NSD1: variants seen among roughly 807,000 people sequenced by gnomAD.
The protein encoded by NSD1 is nuclear receptor binding SET domain protein 1, also known as histone-lysine N-methyltransferase, H3 lysine-36 specific.
A neutral mutation model predicts 242.7 loss-of-function variants in NSD1; 26 were observed. That is an observed-to-expected ratio of 0.11 (90% CI 0.08 to 0.15). NSD1 has a LOEUF of 0.15. Ranked by LOEUF, NSD1 falls within the 10% of genes least tolerant of loss-of-function variation. The pLI is 1.00. For synonymous variants in NSD1, 1,106 were observed against 1,178.1 expected (o/e 0.94, Z 1.25); for missense variants, 2,495 against 3,272.8 (o/e 0.76, Z 5.80).
chr5:177,174,526 T>C (rs1159464668), intron 2 of NSD1, among the ~76,000 whole-genome samples: 4 of 151,136 alleles, frequency 2.6e-5, no homozygotes, highest in Non-Finnish European at 4.4e-5. Context: ...GAAGTTATTA[T>C]ATAATCAATG....
intron 22 of NSD1, among the ~76,000 whole-genome samples, chr5:177,292,865 A>G (rs922260596): frequency 6.6e-6 from 1 of 152,198 alleles, no homozygotes; most frequent in Non-Finnish European, 1.5e-5. Flanking sequence ...AAAAAAGAGA[A>G]ACCAGTAGGG....
At chr5:177,285,633 T>C (rs910139657) in intron 20 of NSD1, among the ~76,000 whole-genome samples, 2 of 151,472 alleles carry the variant, frequency 1.3e-5, no homozygotes, top group African/African-American at 4.9e-5. Flanking sequence ...AAAGTTATGA[T>C]TTTTCAAATG....
Position 177,248,165 on chromosome 5 carries a change from A to AT in NSD1, c.4498-10dup, listed in dbSNP as rs200890017. The AT allele has an allele frequency of 2.5e-6, 4 of 1,613,624 alleles. No homozygotes were observed. Among genetic ancestry groups the AT allele is most frequent in the Middle Eastern group, 1.6e-4 (1 of 6,082 alleles). On this transcript the variant is annotated splice_polypyrimidine_tract_variant and intron_variant, in intron 10 of 22. Coordinates refer to ENST00000439151, the MANE Select transcript of NSD1 (RefSeq NM_022455.5). ...ATCAATAATACAGATGTGGGACATT[A>AT]TTTTTTCTTTGCAAGGGAGAACTAA...
At chr5:177,266,253 C>G (rs1757448324) in intron 14 of NSD1, 1 of 774,574 alleles carries the variant, frequency 1.3e-6, no homozygotes, top group Admixed American at 1.8e-5. Context: ...TCTATCTCCT[C>G]CACCTTCCCC....
chr5:177,190,728 G>A (rs909054866), intron 2 of NSD1, among the ~76,000 whole-genome samples: 1 of 151,178 alleles, frequency 6.6e-6, no homozygotes, highest in Non-Finnish European at 1.5e-5. Flanking sequence ...GGAGTGCAGT[G>A]GCGCCATCTC....
chr5:177,263,357 C>T (rs1757142801), intron 14 of NSD1, among the ~76,000 whole-genome samples: 1 of 152,164 alleles, frequency 6.6e-6, no homozygotes, highest in African/African-American at 2.4e-5. Context: ...TTAGTTAATT[C>T]TGGAAGCTTT....
rs1763361195 is a variant in NSD1 at position 177,211,747 on chromosome 5, A to G, written c.3348A>G (p.Gln1116=). The stretch of plus-strand genomic sequence containing the variant: ...TGCATTTCGATAGCAAGGTTAAGCA[A>G]TCTGATCCTGGTAAAATTTCTGAAA... ...SDVHFDSKVK[Q]SDPGKISEKG... The change falls in exon 5 of 23, where the codon CAA becomes CAG. Residue 1116 remains glutamine (Q), a synonymous_variant. Coordinates refer to ENST00000439151, the MANE Select transcript of NSD1 (RefSeq NM_022455.5). The G allele has an allele frequency of 2.5e-6, 4 of 1,614,124 alleles. No individual in the cohort carries two copies. The South Asian group carries it at 3.3e-5, about 13-fold the overall frequency.
chr5:177,196,073 T>C (rs900253499), intron 3 of NSD1, among the ~76,000 whole-genome samples: 81 of 152,184 alleles, frequency 5.3e-4, no homozygotes, highest in African/African-American at 1.9e-3. Context: ...AATAAAGTTA[T>C]CTCTGATCTG....
At position 177,141,121 on chromosome 5, in the gene NSD1, C is replaced by G. The variant is rs572418060; in HGVS notation, c.927+5091C>G. Among the ~76,000 whole-genome samples, 250 of 152,034 alleles carry G rather than the reference C, an allele frequency of 1.6e-3. 2 individuals are homozygous for G. Among genetic ancestry groups the G allele is most frequent in the African/African-American group, 5.7e-3 (237 of 41,450 alleles). On this transcript the variant is annotated intron_variant, in intron 2 of 22. Transcript: ENST00000439151. ...CACTGCAACCTCTGCCTCCCAGGTT[C>G]AAGCAATTCTCTGCCTCAGCCTCTG...
Position 177,248,312 on chromosome 5 carries a change from G to A in NSD1, c.4629G>A (p.Glu1543=), listed in dbSNP as rs1451680123. ...GCGGTGGAGGAGCTGCACTCAAGGA[G>A]AATGTCTGTCAGGTAGAGAAATGTT... ...GERGGGAALK[E]NVCQNCEKLG... The change falls in exon 11 of 23, where the codon GAG becomes GAA. Residue 1543 remains glutamate (E), a synonymous_variant. Coordinates refer to ENST00000439151, the MANE Select transcript of NSD1 (RefSeq NM_022455.5). 6.2e-7 allele frequency: 1 copy of A among 1,613,846 alleles called. No individual in the cohort carries two copies. The highest frequency in any genetic ancestry group is 8.5e-7 in the Non-Finnish European group (1 of 1,179,882).
At chr5:177,178,767 G>GT (rs1760417068) in intron 2 of NSD1, among the ~76,000 whole-genome samples, 1 of 152,072 alleles carries the variant, frequency 6.6e-6, no homozygotes, top group African/African-American at 2.4e-5. Flanking sequence ...AAAGTGTTTG[G>GT]TTTAGCACAT....
intron 14 of NSD1, chr5:177,264,805 A>C: frequency 1.3e-6 from 1 of 751,328 alleles, no homozygotes; most frequent in South Asian, 1.3e-5. Context: ...CACCCAGTAC[A>C]TGTTCTGTAG....
At position 177,211,413 on chromosome 5, in the gene NSD1, T is replaced by G. The variant is rs1358404983; in HGVS notation, c.3014T>G (p.Leu1005Arg). ...GGCTTACTGTCCGACAAGAGAGACC[T>G]CCCTGCTTCTGGTAAAAGTCGTTCA... ...LPGLLSDKRD[L>R]PASGKSRSDC... The change falls in exon 5 of 23, where the codon CTC becomes CGC. Residue 1005 changes from leucine to arginine, a missense_variant. Physicochemically the swap from Leu to Arg is moderately radical, Grantham distance 102. Coordinates refer to ENST00000439151, the MANE Select transcript of NSD1 (RefSeq NM_022455.5). The G allele has an allele frequency of 2.5e-6, 4 of 1,614,124 alleles. No individual in the cohort carries two copies. In the South Asian group the frequency reaches 4.4e-5, roughly 18 times the overall value.
chr5:177,161,906 C>G (rs1758789294), intron 2 of NSD1, among the ~76,000 whole-genome samples: 1 of 151,988 alleles, frequency 6.6e-6, no homozygotes, highest in Admixed American at 6.6e-5. Context: ...CTGCCTCAGC[C>G]TGCCAAAGTG....
Position 177,269,950 on chromosome 5 carries a change from G to A in NSD1, c.5509+143G>A. ...TATCTGGCTGCAAATACAGTATTTTGCAAGGAAGTTGACCCATGTAACTCA... is the reference window on the plus strand; with the variant it reads ...TATCTGGCTGCAAATACAGTATTTTACAAGGAAGTTGACCCATGTAACTCA... On this transcript the variant is annotated intron_variant, in intron 16 of 22. Transcript: ENST00000439151. This position sits in a 1 kb window ranked among gnomAD's most constrained non-coding sequence, Gnocchi z 5.1. The A allele has an allele frequency of 1.5e-6, 1 of 678,594 alleles. No individual in the cohort carries two copies. Among genetic ancestry groups the A allele is most frequent in the Non-Finnish European group, 2.5e-6 (1 of 407,510 alleles). 42.0% of individuals were successfully genotyped at this position (678,594 alleles called of 1,614,324 possible).
At chr5:177,276,339 C>G (rs1435723253) in intron 17 of NSD1, among the ~76,000 whole-genome samples, 1 of 149,994 alleles carries the variant, frequency 6.7e-6, no homozygotes, top group African/African-American at 2.5e-5. Flanking sequence ...TTTTTTTTCC[C>G]CCTGAGACAG....
rs80330628 is a variant in NSD1 at position 177,298,954 on chromosome 5, A to G, written c.*3495A>G. 0.022 allele frequency: 5,186 copies of G among 233,078 alleles called. 71 individuals are homozygous for G. Among genetic ancestry groups the G allele is most frequent in the South Asian group, 0.052 (286 of 5,524 alleles). 14.4% of individuals were successfully genotyped at this position (233,078 alleles called of 1,614,324 possible). A position where few individuals can be genotyped will look rare whatever the true frequency, so the allele number is the denominator to read the frequency against. ...GGAGCCCAGTGTCCTAACCTCTCTC[A>G]GATCATGGCAGAGAAGGAGCTGCCT... On this transcript the variant is annotated 3_prime_UTR_variant, in exon 23 of 23. Transcript: ENST00000439151.
intron 2 of NSD1, among the ~76,000 whole-genome samples, chr5:177,176,490 G>A (rs1307914913): frequency 2.0e-5 from 3 of 150,776 alleles, no homozygotes; most frequent in Non-Finnish European, 4.4e-5. Flanking sequence ...CTAGAGTGCC[G>A]TGGCAGTCAT....
rs61756006 is a variant in NSD1, at chr5:177,211,487, T to C, written c.3088T>C (p.Leu1030=). ...TGGACGATCAAAGCCTTCATCCAAA[T>C]TGCGAGATGCTTTTTCAGCCCAAAT... is the stretch of plus-strand genomic sequence containing the variant. ...NCGRSKPSSK[L]RDAFSAQMVK... is the part of the protein sequence containing the mutation. The change falls in exon 5 of 23, where the codon TTG becomes CTG. Residue 1030 remains leucine, a synonymous_variant. Coordinates refer to ENST00000439151, the MANE Select transcript of NSD1 (RefSeq NM_022455.5). 72 of 1,614,014 alleles carry C rather than the reference T, an allele frequency of 4.5e-5. No homozygotes were observed. In the Middle Eastern group the frequency reaches 9.9e-4, roughly 22 times the overall value.
Sources: gnomAD v4.1 joint callset for allele counts (sites outside exome capture counted in the v4.1 genomes callset) on GRCh38, gnomAD v4.1.1 for gene constraint, Gnocchi (gnomAD v3.1) non-coding constraint, MANE v1.5 for transcripts, NCBI Gene and HGNC (gene_info 2026-07-23, HGNC 2026-07-21) for gene names.